SLU7: variants seen among roughly 807,000 people sequenced by gnomAD.
SLU7 encodes the protein spliceosome associated SLU7.
In SLU7, 60 loss-of-function variants were observed where a neutral mutation model predicts 87.0. The ratio of observed to expected loss-of-function variants is 0.69; its 90% confidence interval spans 0.56 to 0.86. The LOEUF (loss-of-function observed/expected upper bound fraction) is 0.86, where lower values mean the gene tolerates loss of function less well. Ranked by LOEUF, SLU7 falls within the 40% of genes least tolerant of loss-of-function variation. SLU7 has a pLI of 0.00. For missense variants in SLU7, 507 were observed against 686.6 expected, an observed-to-expected ratio of 0.74 and a Z score of 2.92; for synonymous variants, 197 against 222.0, an observed-to-expected ratio of 0.89 and a Z score of 1.00.
Position 160,401,804 on chromosome 5 carries a change from A to T in SLU7, c.*1481T>A, listed in dbSNP as rs1047319782. 36 of 152,204 alleles carry T rather than the reference A, an allele frequency of 2.4e-4. No homozygotes were observed. Among genetic ancestry groups the T allele is most frequent in the African/African-American group, 8.4e-4 (35 of 41,432 alleles). 9.4% of individuals were successfully genotyped at this position (152,204 alleles called of 1,614,324 possible). A position where few individuals can be genotyped will look rare whatever the true frequency, so the allele number is the denominator to read the frequency against. ...TTAAATCTATTTGCATTGCTGTTTA[A>T]TTTCATACCAATCTAAAGCTCGACA... is the stretch of plus-strand genomic sequence containing the variant. On this transcript the variant is annotated 3_prime_UTR_variant, in exon 16 of 16. Transcript: ENST00000297151.
chr5:160,414,617 C>G (rs1428183577), intron 2 of SLU7, 145 bp from the exon 3 acceptor site: 1 of 428,632 alleles, frequency 2.3e-6, no homozygotes, highest in Non-Finnish European at 4.0e-6. Flanking sequence ...TATCTCTATA[C>G]TATAATAAAG....
chr5:160,416,453 C>T (rs1299895562), intron 1 of SLU7, among the ~76,000 whole-genome samples: 2 of 152,228 alleles, frequency 1.3e-5, no homozygotes, highest in South Asian at 2.1e-4. Flanking sequence ...TACATATATC[C>T]AATTGCTTAC....
At position 160,407,831 on chromosome 5, in the gene SLU7, G is replaced by T. The variant is rs755686267; in HGVS notation, c.918-18C>A. ...AACTCACTCTGTAAATACAAATAAA[G>T]AAAATGTTTCAGAGATTGATTTAAG... On this transcript the variant is annotated intron_variant, in intron 9 of 15. Transcript: ENST00000297151. The surrounding 1 kb of genome is among the most constrained non-coding windows in gnomAD (Gnocchi z 4.2). The T allele has an allele frequency of 6.3e-7, 1 of 1,593,042 alleles. No homozygotes were observed. Among genetic ancestry groups the T allele is most frequent in the East Asian group, 2.2e-5 (1 of 44,690 alleles).
chr5:160,417,277 TTA>T (rs1252422488), intron 1 of SLU7: 3 of 152,218 alleles, frequency 2.0e-5, no homozygotes, highest in Admixed American at 6.5e-5. Flanking sequence ...ACATGTAATT[TTA>T]TGTTTTCCAG....
chr5:160,406,275 A>G, intron 12 of SLU7, 193 bp downstream of exon 12: 1 of 425,048 alleles, frequency 2.4e-6, no homozygotes, highest in Non-Finnish European at 4.1e-6. Context: ...AATTTAGATG[A>G]TGGGTATATA....
At chr5:160,406,171 G>GT (rs773922335) in intron 12 of SLU7, among the ~76,000 whole-genome samples, 11 of 152,092 alleles carry the variant, frequency 7.2e-5, no homozygotes, top group Non-Finnish European at 1.5e-4. Context: ...CTATATGTGT[G>GT]TATATATGTG....
intron 6 of SLU7, among the ~76,000 whole-genome samples, chr5:160,409,598 T>C (rs977567911): frequency 6.6e-6 from 1 of 152,198 alleles, no homozygotes; most frequent in Non-Finnish European, 1.5e-5. Flanking sequence ...CCTAGTATCA[T>C]GTCAATTATA....
chr5:160,405,240 G>T, intron 12 of SLU7, 105 bp from the exon 13 acceptor site: 1 of 802,072 alleles, frequency 1.2e-6, no homozygotes, highest in South Asian at 1.7e-5. Context: ...AAGGTAATTT[G>T]GGAGAAAAAT....
chr5:160,412,532 A>AAAAAG lies in SLU7; in HGVS notation c.571-14_571-13insCTTTT. The AAAAAG allele has an allele frequency of 7.3e-7, 1 of 1,372,958 alleles. No homozygotes were observed. Among genetic ancestry groups the AAAAAG allele is most frequent in the Non-Finnish European group, 9.9e-7 (1 of 1,013,994 alleles). 85.0% of individuals were successfully genotyped at this position (1,372,958 alleles called of 1,614,324 possible). A position where few individuals can be genotyped will look rare whatever the true frequency, so the allele number is the denominator to read the frequency against. On this transcript the variant is annotated splice_polypyrimidine_tract_variant and intron_variant, in intron 5 of 15. Transcript: ENST00000297151. ...ATGTTCGTTTTGCCTTTAAAAAAAA[A>AAAAAG]AAAAAGAAAGAAAGAAAGAAAAAGT...
At chr5:160,412,189 T>C (rs1765264937) in intron 6 of SLU7, among the ~76,000 whole-genome samples, 1 of 152,170 alleles carries the variant, frequency 6.6e-6, no homozygotes, top group South Asian at 2.1e-4. Flanking sequence ...AGAAAATTCT[T>C]TAGGATGGAT....
chr5:160,408,090 A>G (rs1388508706), intron 8 of SLU7, 22 bp from the exon 9 acceptor site: 1 of 1,511,536 alleles, frequency 6.6e-7, no homozygotes, highest in South Asian at 1.1e-5. Context: ...AAATATTTAA[A>G]GAATTAATGT....
At position 160,403,187 on chromosome 5, in the gene SLU7, A is replaced by G; in HGVS notation, c.*98T>C. 1 of 906,824 alleles carries G rather than the reference A, an allele frequency of 1.1e-6. No homozygotes were observed. Among genetic ancestry groups the G allele is most frequent in the Non-Finnish European group, 1.6e-6 (1 of 619,944 alleles). 56.2% of individuals were successfully genotyped at this position (906,824 alleles called of 1,614,324 possible). A position where few individuals can be genotyped will look rare whatever the true frequency, so the allele number is the denominator to read the frequency against. ...AAATATTTATTAAAGCCAGGCAGCAAGAAGAATAAACAAGGATTTTTCTAT... is the reference window on the plus strand; with the variant it reads ...AAATATTTATTAAAGCCAGGCAGCAGGAAGAATAAACAAGGATTTTTCTAT... On this transcript the variant is annotated 3_prime_UTR_variant, in exon 16 of 16. Transcript: ENST00000297151.
At chr5:160,408,221 C>T in intron 8 of SLU7, 108 bp downstream of exon 8, 1 of 1,300,610 alleles carries the variant, frequency 7.7e-7, no homozygotes, top group Non-Finnish European at 1.1e-6. Flanking sequence ...GAAACCTTAT[C>T]TTAGAATGAC....
At chr5:160,409,798 T>G (rs943926443) in intron 6 of SLU7, among the ~76,000 whole-genome samples, 2 of 151,958 alleles carry the variant, frequency 1.3e-5, no homozygotes, top group African/African-American at 4.8e-5. Context: ...CTTTTTTGAT[T>G]AAAAAAAGGG....
At chr5:160,404,175 G>A (rs553648364) in intron 15 of SLU7, among the ~76,000 whole-genome samples, 1 of 152,274 alleles carries the variant, frequency 6.6e-6, no homozygotes, top group South Asian at 2.1e-4. Flanking sequence ...ACCAGACTGG[G>A]CAACATGGTG....
chr5:160,415,588 A>G (rs1014708607), intron 1 of SLU7, among the ~76,000 whole-genome samples: 2 of 152,176 alleles, frequency 1.3e-5, no homozygotes, highest in Non-Finnish European at 2.9e-5. Flanking sequence ...CTTTCTGTGT[A>G]TGTCTCAAAC....
In SLU7 at chr5:160,402,634, C is replaced by T. The variant is rs1321318226; in HGVS notation, c.*651G>A. 5 of 152,018 alleles carry T rather than the reference C, an allele frequency of 3.3e-5. No homozygotes were observed. The highest frequency in any genetic ancestry group is 4.4e-5 in the Non-Finnish European group (3 of 67,992). 9.4% of individuals were successfully genotyped at this position (152,018 alleles called of 1,614,324 possible). Reference sequence around the variant, plus strand: ...ATACTAAATATAGGGCCACAAAAATCGAAGCAATAAAGTTTGAAGCTTAAT... The same window carrying T: ...ATACTAAATATAGGGCCACAAAAATTGAAGCAATAAAGTTTGAAGCTTAAT... On this transcript the variant is annotated 3_prime_UTR_variant, in exon 16 of 16. Coordinates refer to ENST00000297151, the MANE Select transcript of SLU7 (RefSeq NM_006425.5).
At chr5:160,412,381 T>A (rs1314039911) in intron 6 of SLU7, 70 bp downstream of exon 6, 1 of 964,404 alleles carries the variant, frequency 1.0e-6, no homozygotes, top group Non-Finnish European at 1.6e-6. Flanking sequence ...TAAAATGAAT[T>A]CTTGTTTCAA....
At chr5:160,405,280 G>A in intron 12 of SLU7, 145 bp from the exon 13 acceptor site, 1 of 611,988 alleles carries the variant, frequency 1.6e-6, no homozygotes, top group Non-Finnish European at 2.9e-6. Flanking sequence ...CTAACAGGGA[G>A]AAGGTAGTCT....
Sources: gnomAD v4.1 joint callset for allele counts (sites outside exome capture counted in the v4.1 genomes callset) on GRCh38, gnomAD v4.1.1 for gene constraint, Gnocchi (gnomAD v3.1) non-coding constraint, MANE v1.5 for transcripts, NCBI Gene and HGNC (gene_info 2026-07-23, HGNC 2026-07-21) for gene names.